PLCB4: variants seen among roughly 807,000 people sequenced by gnomAD.
PLCB4 encodes phospholipase C beta 4.
Under a neutral mutation model 178.8 loss-of-function variants are expected in PLCB4, and 77 were observed. The observed-to-expected ratio is 0.43, with a 90% confidence interval of 0.36 to 0.52. PLCB4 has a LOEUF of 0.52. Ranked by LOEUF, PLCB4 falls within the 20% of genes least tolerant of loss-of-function variation. The pLI, the probability that PLCB4 is intolerant of heterozygous loss-of-function variation, is 0.00. For synonymous variants in PLCB4, 496 were observed against 490.8 expected (o/e 1.01, Z -0.14); for missense variants, 1,024 against 1,453.4 (o/e 0.70, Z 4.80).
At chr20:9,464,335 A>T (rs913079002) in intron 35 of PLCB4, among the ~76,000 whole-genome samples, 1 of 152,146 alleles carries the variant, frequency 6.6e-6, no homozygotes, top group Non-Finnish European at 1.5e-5. Flanking sequence ...CAGGAAAGAT[A>T]TAAAATTGAC....
At chr20:9,426,162 A>G (rs182010540) in intron 28 of PLCB4, among the ~76,000 whole-genome samples, 103 of 152,334 alleles carry the variant, frequency 6.8e-4, no homozygotes, top group Middle Eastern at 3.4e-3. Context: ...TCATCAATAT[A>G]CATCATTAGA....
At chr20:9,338,499 G>C (rs2032784517) in intron 6 of PLCB4, among the ~76,000 whole-genome samples, 1 of 152,100 alleles carries the variant, frequency 6.6e-6, no homozygotes, top group South Asian at 2.1e-4. Flanking sequence ...GGGCAACATA[G>C]TGCAACCCTG....
chr20:9,389,525 T>C (rs1602308997), intron 15 of PLCB4, among the ~76,000 whole-genome samples: 1 of 152,224 alleles, frequency 6.6e-6, no homozygotes, highest in Non-Finnish European at 1.5e-5. Context: ...TGAAAACCTC[T>C]GTGCCAGAGA....
At chr20:9,094,649 C>A (rs2090829376) in intron 1 of PLCB4, among the ~76,000 whole-genome samples, 1 of 152,172 alleles carries the variant, frequency 6.6e-6, no homozygotes, top group South Asian at 2.1e-4. Flanking sequence ...CATTACTCCT[C>A]CCCATCAGTG....
intron 3 of PLCB4, among the ~76,000 whole-genome samples, chr20:9,295,161 A>G (rs768478116): frequency 3.3e-5 from 5 of 152,110 alleles, no homozygotes; most frequent in South Asian, 2.1e-4. Context: ...TAATTTGTGC[A>G]TGTTTCCCTT....
intron 35 of PLCB4, among the ~76,000 whole-genome samples, chr20:9,463,182 G>A (rs1045603883): frequency 1.3e-5 from 2 of 152,116 alleles, no homozygotes; most frequent in Non-Finnish European, 2.9e-5. Context: ...CATAAGTGAA[G>A]GAGAAATAAA....
At chr20:9,099,359 A>G (rs954056528) in intron 2 of PLCB4, among the ~76,000 whole-genome samples, 2 of 152,244 alleles carry the variant, frequency 1.3e-5, no homozygotes, top group African/African-American at 4.8e-5. Flanking sequence ...ACTTTCTTCT[A>G]TAAACTTTTA....
At chr20:9,118,714 G>A (rs1420279589) in intron 2 of PLCB4, among the ~76,000 whole-genome samples, 1 of 152,086 alleles carries the variant, frequency 6.6e-6, no homozygotes, top group Admixed American at 6.6e-5. Context: ...CGCTGAATGG[G>A]TGAACAAGTG....
At chr20:9,254,005 T>C (rs1264442789) in intron 3 of PLCB4, among the ~76,000 whole-genome samples, 2 of 152,196 alleles carry the variant, frequency 1.3e-5, no homozygotes, top group Non-Finnish European at 2.9e-5. Context: ...CCAGCTCTAA[T>C]AGATGATGTT....
chr20:9,218,228 C>T (rs570440324), intron 3 of PLCB4, among the ~76,000 whole-genome samples: 35 of 152,212 alleles, frequency 2.3e-4, no homozygotes, highest in African/African-American at 7.9e-4. Context: ...CTCCTGCCTC[C>T]ACTTCCTGAG....
chr20:9,252,424 T>G (rs2094191118), intron 3 of PLCB4, among the ~76,000 whole-genome samples: 1 of 152,260 alleles, frequency 6.6e-6, no homozygotes, highest in African/African-American at 2.4e-5. Context: ...TAGTCTAAGC[T>G]GTTCTCAATC....
chr20:9,362,462 T>C (rs1268216934), intron 7 of PLCB4, among the ~76,000 whole-genome samples: 1 of 152,224 alleles, frequency 6.6e-6, no homozygotes, highest in Non-Finnish European at 1.5e-5. Context: ...ACTCTTAGAT[T>C]GAAAGGATCA....
intron 3 of PLCB4, among the ~76,000 whole-genome samples, chr20:9,293,955 A>G (rs2094606628): frequency 6.6e-6 from 1 of 152,186 alleles, no homozygotes; most frequent in Non-Finnish European, 1.5e-5. Context: ...CAAGGAATCA[A>G]TTCTGATAAA....
intron 2 of PLCB4, among the ~76,000 whole-genome samples, chr20:9,167,080 G>C (rs1239744006): frequency 6.6e-6 from 1 of 151,884 alleles, no homozygotes; most frequent in Non-Finnish European, 1.5e-5. Flanking sequence ...AACTCGAATA[G>C]AGTTTTCCAT....
intron 3 of PLCB4, among the ~76,000 whole-genome samples, chr20:9,250,302 C>T (rs1022156623): frequency 3.3e-5 from 5 of 152,194 alleles, no homozygotes; most frequent in African/African-American, 1.2e-4. Flanking sequence ...CCAGCCTGCA[C>T]CTGTCAGGTG....
In PLCB4 at chr20:9,453,441, A is replaced by G; in HGVS notation, c.2975A>G (p.Glu992Gly). 1.9e-6 allele frequency: 3 copies of G among 1,602,636 alleles called. No homozygotes were observed. Among genetic ancestry groups the G allele is most frequent in the Non-Finnish European group, 2.6e-6 (3 of 1,170,434 alleles). Residue 992 changes from glutamate (E) to glycine (G), a missense_variant, in exon 33 of 40, where the codon GAG becomes GGG. Around this residue, in one of 7 missense-constraint regions of PLCB4, gnomAD observed 264 missense variants for 283.2 expected, o/e 0.93. Coordinates refer to ENST00000378473, the MANE Select transcript of PLCB4 (RefSeq NM_001377142.1). ...KEKSTHEKIL[E>G]KAMKKKGGSN... is the part of the protein sequence containing the mutation. ...AAGTCGACTCATGAGAAAATCCTAGAGAAGGCAATGAAGAAGAAGGGGTAA... is the reference window on the plus strand; with the variant it reads ...AAGTCGACTCATGAGAAAATCCTAGGGAAGGCAATGAAGAAGAAGGGGTAA...
chr20:9,401,635 T>C, intron 20 of PLCB4, 45 bp downstream of exon 20: 1 of 1,325,212 alleles, frequency 7.5e-7, no homozygotes, highest in Non-Finnish European at 1.1e-6. Flanking sequence ...GTAGCAGCTG[T>C]TATTTATGAA....
At chr20:9,469,864 C>A (rs2044065540) in intron 36 of PLCB4, among the ~76,000 whole-genome samples, 1 of 152,176 alleles carries the variant, frequency 6.6e-6, no homozygotes, top group Non-Finnish European at 1.5e-5. Flanking sequence ...CAGCGATCAC[C>A]AGTGCTGCCC....
chr20:9,209,833 G>A (rs1410000695), intron 2 of PLCB4, among the ~76,000 whole-genome samples: 9 of 151,876 alleles, frequency 5.9e-5, no homozygotes, highest in African/African-American at 1.4e-4. Context: ...GCGTGGTGGC[G>A]GGCGCCTGTA....
Sources: allele counts gnomAD v4.1 joint callset (sites outside exome capture counted in the v4.1 genomes callset), GRCh38; gene constraint gnomAD v4.1.1; regional missense constraint gnomAD v4.1.1; transcripts MANE v1.5; gene names NCBI Gene and HGNC (gene_info 2026-07-23, HGNC 2026-07-21).